Variants in EYS observed in about 807,000 individuals in gnomAD.
The protein encoded by EYS is EGF-like photoreceptor maintenance factor.
EYS carries 250 observed loss-of-function variants against 282.1 expected under a neutral mutation model. The observed-to-expected ratio is 0.89, with a 90% CI of 0.80 to 0.98. The LOEUF (loss-of-function observed/expected upper bound fraction) is 0.98. Ranked by LOEUF, EYS falls within the 50% of genes least tolerant of loss-of-function variation. The probability of loss-of-function intolerance (pLI) is 0.00; values close to 1 mark genes in which losing one functional copy is unlikely to be tolerated. For missense variants in EYS, 4,016 were observed against 3,709.0 expected (o/e 1.08, Z -2.15); for synonymous variants, 1,355 against 1,282.9 (o/e 1.06, Z -1.20).
At chr6:65,527,285 G>A (rs1467683435) in intron 2 of EYS, among the ~76,000 whole-genome samples, 1 of 152,134 alleles carries the variant, frequency 6.6e-6, no homozygotes, top group East Asian at 1.9e-4. Context: ...ATTCACAAAA[G>A]GAGTTTCCTT....
At chr6:65,320,623 G>A (rs1338127700) in intron 11 of EYS, among the ~76,000 whole-genome samples, 2 of 152,198 alleles carry the variant, frequency 1.3e-5, no homozygotes, top group African/African-American at 2.4e-5. Flanking sequence ...GGGATAGATG[G>A]TGGTAGAAAC....
chr6:64,464,940 C>T (rs1188484966), intron 26 of EYS, among the ~76,000 whole-genome samples: 3 of 151,730 alleles, frequency 2.0e-5, no homozygotes, highest in Non-Finnish European at 2.9e-5. Context: ...TTAAATAAAA[C>T]TATCATTTAA....
chr6:65,204,572 C>A (rs1368817894), intron 12 of EYS, among the ~76,000 whole-genome samples: 1 of 151,900 alleles, frequency 6.6e-6, no homozygotes, highest in African/African-American at 2.4e-5. Context: ...GGACAATACT[C>A]TCCATCATAA....
chr6:64,840,347 CT>C (rs1395284728), intron 19 of EYS, among the ~76,000 whole-genome samples: 1 of 151,976 alleles, frequency 6.6e-6, no homozygotes, highest in Non-Finnish European at 1.5e-5. Flanking sequence ...AAAAATGTAA[CT>C]TGCAGTCTAT....
At chr6:65,328,687 C>G (rs1352436457) in intron 11 of EYS, among the ~76,000 whole-genome samples, 1 of 150,396 alleles carries the variant, frequency 6.6e-6, no homozygotes, top group Non-Finnish European at 1.5e-5. Context: ...AAAGCAGAAG[C>G]CTACTAGGTA....
At chr6:64,710,122 T>C (rs1208513257) in intron 22 of EYS, among the ~76,000 whole-genome samples, 1 of 152,194 alleles carries the variant, frequency 6.6e-6, no homozygotes. Flanking sequence ...AATAGGGACA[T>C]GATTATTAAT....
intron 35 of EYS, among the ~76,000 whole-genome samples, chr6:63,922,429 G>A (rs930175182): frequency 4.6e-5 from 7 of 152,096 alleles, no homozygotes; most frequent in African/African-American, 1.7e-4. Flanking sequence ...TGGGCATGGT[G>A]GCAGGTGCCT....
chr6:64,746,724 A>C (rs376566627), intron 22 of EYS, among the ~76,000 whole-genome samples: 3 of 152,240 alleles, frequency 2.0e-5, no homozygotes, highest in Non-Finnish European at 2.9e-5. Context: ...TACAGACTGT[A>C]TATAGGCTGA....
At chr6:65,050,396 C>T (rs1397477067) in intron 13 of EYS, among the ~76,000 whole-genome samples, 3 of 151,552 alleles carry the variant, frequency 2.0e-5, no homozygotes, top group Non-Finnish European at 3.0e-5. Flanking sequence ...AACTATTTAA[C>T]GAATCGTTTA....
At chr6:64,920,267 C>T (rs1282297287) in intron 15 of EYS, among the ~76,000 whole-genome samples, 4 of 152,066 alleles carry the variant, frequency 2.6e-5, no homozygotes, top group South Asian at 2.1e-4. Context: ...AGGCTGACTA[C>T]ATAAGATAGT....
At chr6:65,384,544 GT>G in intron 7 of EYS, 44 bp from the exon 8 acceptor site, 1 of 979,038 alleles carries the variant, frequency 1.0e-6, no homozygotes, top group East Asian at 2.5e-5. Flanking sequence ...TAATTTAAAT[GT>G]TTTCAGAAAA....
chr6:64,212,587 C>A (rs1285714725), intron 31 of EYS, among the ~76,000 whole-genome samples: 5 of 150,388 alleles, frequency 3.3e-5, no homozygotes, highest in Non-Finnish European at 5.9e-5. Context: ...TTTTTTAACA[C>A]CTTTATTATT....
At chr6:64,929,164 G>A (rs1288361620) in intron 15 of EYS, among the ~76,000 whole-genome samples, 1 of 152,022 alleles carries the variant, frequency 6.6e-6, no homozygotes, top group African/African-American at 2.4e-5. Flanking sequence ...TAAAAAGGGG[G>A]GAAATTTTGA....
chr6:64,036,693 G>A (rs1770138664), intron 33 of EYS, among the ~76,000 whole-genome samples: 1 of 152,146 alleles, frequency 6.6e-6, no homozygotes, highest in South Asian at 2.1e-4. Flanking sequence ...GCCTGGATTG[G>A]CTGTAAAGTG....
intron 35 of EYS, among the ~76,000 whole-genome samples, chr6:63,952,480 T>G (rs1484944155): frequency 6.6e-6 from 1 of 152,142 alleles, no homozygotes; most frequent in Non-Finnish European, 1.5e-5. Flanking sequence ...CACATTACCT[T>G]TTTTTCAAGG....
chr6:64,305,610 A>C (rs1484708736), intron 30 of EYS, among the ~76,000 whole-genome samples: 1 of 152,224 alleles, frequency 6.6e-6, no homozygotes, highest in Non-Finnish European at 1.5e-5. Context: ...CAAGGGTGCC[A>C]CATACATTCA....
At chr6:65,217,008 A>G (rs1766332047) in intron 12 of EYS, among the ~76,000 whole-genome samples, 1 of 152,100 alleles carries the variant, frequency 6.6e-6, no homozygotes, top group African/African-American at 2.4e-5. Context: ...CTCTCAATCT[A>G]GAATGTATTG....
chr6:64,251,926 T>C (rs559409996), intron 30 of EYS, among the ~76,000 whole-genome samples: 7 of 152,118 alleles, frequency 4.6e-5, no homozygotes, highest in East Asian at 1.9e-4. Context: ...TCCTGAAGAA[T>C]AGAAAGGAGA....
intron 35 of EYS, among the ~76,000 whole-genome samples, chr6:63,921,919 T>C (rs900473210): frequency 6.6e-6 from 1 of 152,156 alleles, no homozygotes; most frequent in Admixed American, 6.5e-5. Flanking sequence ...GAGCAATGCA[T>C]GGAAAAGGTA....
Sources: gnomAD v4.1 joint callset for allele counts (sites outside exome capture counted in the v4.1 genomes callset) on GRCh38, gnomAD v4.1.1 for gene constraint, MANE v1.5 for transcripts, NCBI Gene and HGNC (gene_info 2026-07-23, HGNC 2026-07-21) for gene names.